CSMD1: variants seen among roughly 807,000 people sequenced by gnomAD.
The protein encoded by CSMD1 is CUB and sushi domain-containing protein 1.
A neutral mutation model predicts 417.5 loss-of-function variants in CSMD1; 213 were observed. The ratio of observed to expected loss-of-function variants is 0.51; its 90% CI spans 0.46 to 0.57. The LOEUF is 0.57. Among genes scored for constraint, CSMD1 ranks in the 20% least tolerant of loss-of-function variants. The probability of loss-of-function intolerance (pLI) is 0.00; values close to 1 mark genes in which losing one functional copy is unlikely to be tolerated. For missense variants in CSMD1, 6,923 were observed against 4,529.7 expected (o/e 1.53, Z -15.17); for synonymous variants, 2,862 against 1,736.8 (o/e 1.65, Z -16.11).
intron 5 of CSMD1, among the ~76,000 whole-genome samples, chr8:3,795,023 A>T (rs71502968): frequency 1.0e-5 from 1 of 96,702 alleles, no homozygotes; most frequent in South Asian, 3.5e-4. Flanking sequence ...TATCTATCAT[A>T]TATAGCTATA....
chr8:3,751,646 A>G (rs1425872051), intron 6 of CSMD1, among the ~76,000 whole-genome samples: 1 of 151,562 alleles, frequency 6.6e-6, no homozygotes, highest in Non-Finnish European at 1.5e-5. Flanking sequence ...TATTTTTTTT[A>G]ACTTTTAAAA....
chr8:3,438,554 T>A (rs1814725422), intron 12 of CSMD1, among the ~76,000 whole-genome samples: 1 of 152,220 alleles, frequency 6.6e-6, no homozygotes. Context: ...TGGAGAGTCA[T>A]CAAGTTGGTG....
chr8:3,209,801 A>G (rs1290118253), intron 30 of CSMD1, among the ~76,000 whole-genome samples: 2 of 152,232 alleles, frequency 1.3e-5, no homozygotes, highest in Non-Finnish European at 2.9e-5. Context: ...AGACATACAA[A>G]AGCATTCATT....
chr8:4,806,969 G>C (rs910974948), intron 1 of CSMD1, among the ~76,000 whole-genome samples: 1 of 152,148 alleles, frequency 6.6e-6, no homozygotes, highest in Non-Finnish European at 1.5e-5. Context: ...GTGGCATTTT[G>C]ATTTTTCAAA....
At chr8:3,684,667 C>T (rs529453367) in intron 7 of CSMD1, among the ~76,000 whole-genome samples, 2 of 150,644 alleles carry the variant, frequency 1.3e-5, no homozygotes, top group African/African-American at 2.4e-5. Flanking sequence ...GCGCTATCTC[C>T]GCTCACTGCT....
At chr8:4,157,922 G>T (rs557417800) in intron 3 of CSMD1, among the ~76,000 whole-genome samples, 2 of 152,126 alleles carry the variant, frequency 1.3e-5, no homozygotes, top group Non-Finnish European at 2.9e-5. Context: ...TGTCCCTGAG[G>T]TTAAGCAAGC....
At chr8:4,646,994 T>C (rs1330571226) in intron 1 of CSMD1, among the ~76,000 whole-genome samples, 9 of 152,200 alleles carry the variant, frequency 5.9e-5, no homozygotes, top group Admixed American at 5.9e-4. Context: ...GACCTAGTCA[T>C]AGACTAACAG....
At chr8:4,059,363 T>G (rs956115952) in intron 3 of CSMD1, among the ~76,000 whole-genome samples, 4 of 152,022 alleles carry the variant, frequency 2.6e-5, no homozygotes, top group East Asian at 1.9e-4. Flanking sequence ...ATGGACACCC[T>G]AACATCACAA....
At chr8:4,509,944 C>T (rs1319184635) in intron 2 of CSMD1, among the ~76,000 whole-genome samples, 3 of 152,084 alleles carry the variant, frequency 2.0e-5, no homozygotes, top group African/African-American at 7.2e-5. Context: ...CCTTAAATCA[C>T]TATTTTATGA....
chr8:4,130,081 G>A (rs1348718131), intron 3 of CSMD1, among the ~76,000 whole-genome samples: 1 of 152,150 alleles, frequency 6.6e-6, no homozygotes, highest in Non-Finnish European at 1.5e-5. Flanking sequence ...GAGTGTGTGT[G>A]TGAGAGGAGG....
At chr8:4,832,766 G>C (rs1274367030) in intron 1 of CSMD1, among the ~76,000 whole-genome samples, 1 of 152,116 alleles carries the variant, frequency 6.6e-6, no homozygotes, top group African/African-American at 2.4e-5. Flanking sequence ...TCAACTCTTA[G>C]AACCATTAAA....
intron 23 of CSMD1, among the ~76,000 whole-genome samples, chr8:3,325,208 C>T (rs1806446628): frequency 6.6e-6 from 1 of 152,184 alleles, no homozygotes; most frequent in African/African-American, 2.4e-5. Flanking sequence ...TCCAGGTCTC[C>T]AGGCTGTTTA....
intron 11 of CSMD1, among the ~76,000 whole-genome samples, chr8:3,489,880 C>A (rs753168396): frequency 3.3e-5 from 5 of 152,120 alleles, no homozygotes; most frequent in Non-Finnish European, 5.9e-5. Context: ...GTAGTGAATG[C>A]CAGTCTGCCA....
intron 1 of CSMD1, among the ~76,000 whole-genome samples, chr8:4,659,893 G>A (rs1279162179): frequency 6.6e-6 from 1 of 151,384 alleles, no homozygotes; most frequent in East Asian, 1.9e-4. Flanking sequence ...TGTCCATCAG[G>A]GAAAAAATGC....
intron 5 of CSMD1, among the ~76,000 whole-genome samples, chr8:3,939,883 G>T (rs1201294370): frequency 6.6e-6 from 1 of 151,878 alleles, no homozygotes; most frequent in Non-Finnish European, 1.5e-5. Context: ...AGCGGGTGAG[G>T]GAATGAAAGA....
At chr8:4,212,748 A>ATTTTTTTT (rs1233118651) in intron 3 of CSMD1, among the ~76,000 whole-genome samples, 3 of 101,904 alleles carry the variant, frequency 2.9e-5, no homozygotes, top group African/African-American at 1.6e-4. Context: ...CAGCGGCCTT[A>ATTTTTTTT]TTCTTTTTTT....
chr8:3,904,558 C>G (rs1374193777), intron 5 of CSMD1, among the ~76,000 whole-genome samples: 1 of 152,006 alleles, frequency 6.6e-6, no homozygotes, highest in African/African-American at 2.4e-5. Context: ...ATGTGAAACA[C>G]ACTTTGGAGA....
At chr8:4,430,008 C>A (rs1797782078) in intron 2 of CSMD1, among the ~76,000 whole-genome samples, 1 of 152,140 alleles carries the variant, frequency 6.6e-6, no homozygotes, top group Admixed American at 6.5e-5. Context: ...TCCTTAAGTG[C>A]CTTCCCACTG....
intron 1 of CSMD1, among the ~76,000 whole-genome samples, chr8:4,861,978 A>C (rs1802163356): frequency 6.6e-6 from 1 of 152,104 alleles, no homozygotes; most frequent in African/African-American, 2.4e-5. Context: ...ATTATGCATT[A>C]ACTAGTATTG....
Sources: gnomAD v4.1 joint callset for allele counts (sites outside exome capture counted in the v4.1 genomes callset) on GRCh38, gnomAD v4.1.1 for gene constraint, MANE v1.5 for transcripts, NCBI Gene and HGNC (gene_info 2026-07-23, HGNC 2026-07-21) for gene names.